The following CTNND1 variants were observed in gnomAD, a reference collection of about 807,000 sequenced individuals.
CTNND1 encodes the protein catenin delta 1.
A neutral mutation model predicts 112.1 loss-of-function variants in CTNND1; 16 were observed. That is an observed-to-expected ratio of 0.14 (90% CI 0.10 to 0.22). The LOEUF (loss-of-function observed/expected upper bound fraction) is 0.22. CTNND1 is among the 10% of genes least tolerant of loss of function. CTNND1 has a pLI of 1.00. For synonymous variants in CTNND1, 420 were observed against 446.5 expected, an observed-to-expected ratio of 0.94 and a Z score of 0.75; for missense variants, 1,008 against 1,257.0, an observed-to-expected ratio of 0.80 and a Z score of 3.00.
At chr11:57,798,952 G>A (rs2061684206) in intron 6 of CTNND1, among the ~76,000 whole-genome samples, 1 of 152,152 alleles carries the variant, frequency 6.6e-6, no homozygotes, top group Non-Finnish European at 1.5e-5. Context: ...AAGAAACAAG[G>A]GATGATTTAT....
intron 7 of CTNND1, 84 bp downstream of exon 7, chr11:57,802,280 A>AAAAGGT: frequency 8.2e-7 from 1 of 1,225,496 alleles, no homozygotes; most frequent in Non-Finnish European, 1.2e-6. Context: ...CAGACCTTTT[A>AAAAGGT]CTTTTGATGA....
At chr11:57,768,079 C>T (rs1951565159) in intron 1 of CTNND1, among the ~76,000 whole-genome samples, 1 of 152,078 alleles carries the variant, frequency 6.6e-6, no homozygotes, top group Admixed American at 6.5e-5. Context: ...AAATGATCCA[C>T]CCACCTCGGC....
chr11:57,808,250 C>G lies in CTNND1; in HGVS notation c.2049C>G (p.Ala683=). 1 of 1,613,920 alleles carries G rather than the reference C, an allele frequency of 6.2e-7. No individual in the cohort carries two copies. The highest frequency in any genetic ancestry group is 8.5e-7 in the Non-Finnish European group (1 of 1,179,796). Residue 683 remains alanine (A), a synonymous_variant, in exon 13 of 21, where the codon GCC becomes GCG. Transcript: ENST00000399050. ...GCAAGACTCCTGCCATCCTAGAAGC[C>G]TCAGCTGGAGCTATCCAGAACTTGT... ...KESKTPAILE[A]SAGAIQNLCA...
intron 7 of CTNND1, 78 bp from the exon 8 acceptor site, chr11:57,803,543 T>A: frequency 1.8e-6 from 2 of 1,132,968 alleles, no homozygotes; most frequent in Non-Finnish European, 2.5e-6. Flanking sequence ...AGTGATACGA[T>A]AGGGGGATTC....
chr11:57,815,118 G>C (rs927905662), intron 18 of CTNND1, among the ~76,000 whole-genome samples: 1 of 152,098 alleles, frequency 6.6e-6, no homozygotes, highest in Non-Finnish European at 1.5e-5. Context: ...AGTAGAGATG[G>C]GGTTTCACCA....
At position 57,763,787 on chromosome 11, in the gene CTNND1, G is replaced by C. The variant is rs12366040; in HGVS notation, c.-214+1668G>C. The stretch of plus-strand genomic sequence containing the variant: ...TGTCTGTTTCCCACTCAACCTTTAG[G>C]GGGAGGGATGAGGGAATCTGAAGGA... On this transcript the variant is annotated intron_variant, in intron 1 of 20. Coordinates refer to ENST00000399050, the MANE Select transcript of CTNND1 (RefSeq NM_001085458.2). 7.2e-3 allele frequency: 1,096 copies of C among 152,230 alleles called. 8 individuals are homozygous for C. Among genetic ancestry groups the C allele is most frequent in the Non-Finnish European group, 0.01 (692 of 68,048 alleles). 9.4% of individuals were successfully genotyped at this position (152,230 alleles called of 1,614,324 possible).
chr11:57,796,784 G>A lies in CTNND1; in HGVS notation c.748G>A (p.Ala250Thr), dbSNP rs1420653323. 2 of 1,609,706 alleles carry A rather than the reference G, an allele frequency of 1.2e-6. No individual in the cohort carries two copies. The highest frequency in any genetic ancestry group is 2.2e-5 in the East Asian group (1 of 44,810). Reference protein sequence around the residue: ...RYRPSMEGYRAPSRQDVYGPQ... With the variant: ...RYRPSMEGYRTPSRQDVYGPQ... The stretch of plus-strand genomic sequence containing the variant: ...TAGGCCCAGCATGGAAGGCTACCGG[G>A]CACCTAGTAGACAGGATGTGTATGG... Residue 250 changes from alanine to threonine, a missense_variant, in exon 6 of 21, where the codon GCA becomes ACA. Physicochemically the swap from Ala to Thr is moderately conservative, Grantham distance 58. Transcript: ENST00000399050.
intron 3 of CTNND1, among the ~76,000 whole-genome samples, chr11:57,792,489 C>G (rs1476073435): frequency 6.6e-6 from 1 of 152,220 alleles, no homozygotes; most frequent in Non-Finnish European, 1.5e-5. Context: ...TAGATTGCAT[C>G]TTACGAGAGA....
chr11:57,785,214 C>T (rs1452243662), intron 1 of CTNND1, among the ~76,000 whole-genome samples: 1 of 152,214 alleles, frequency 6.6e-6, no homozygotes, highest in Admixed American at 6.5e-5. Context: ...CACACCCAAG[C>T]TCTAGTCCCT....
intron 1 of CTNND1, among the ~76,000 whole-genome samples, chr11:57,765,604 C>T (rs1950855887): frequency 6.6e-6 from 1 of 151,314 alleles, no homozygotes. Flanking sequence ...GTAGCTAGGA[C>T]TATGGGTGCA....
chr11:57,814,612 T>C (rs2063740548), intron 18 of CTNND1, among the ~76,000 whole-genome samples: 1 of 152,206 alleles, frequency 6.6e-6, no homozygotes, highest in Non-Finnish European at 1.5e-5. Context: ...CTCCTATTAC[T>C]ACACATTCAA....
chr11:57,805,165 T>C (rs1262575375), intron 9 of CTNND1, among the ~76,000 whole-genome samples: 3 of 152,106 alleles, frequency 2.0e-5, no homozygotes, highest in East Asian at 1.9e-4. Flanking sequence ...TCCCAAAGCA[T>C]TGGGATTACA....
At chr11:57,789,599 T>G (rs999801743) in intron 2 of CTNND1, among the ~76,000 whole-genome samples, 2 of 152,196 alleles carry the variant, frequency 1.3e-5, no homozygotes, top group African/African-American at 4.8e-5. Context: ...TTGGCTTCCC[T>G]GGGCTACAGT....
intron 1 of CTNND1, among the ~76,000 whole-genome samples, chr11:57,778,390 T>A (rs1261830640): frequency 6.6e-6 from 1 of 152,206 alleles, no homozygotes; most frequent in Non-Finnish European, 1.5e-5. Flanking sequence ...CATAATGGGA[T>A]GTGTCACATG....
chr11:57,815,570 A>T, intron 19 of CTNND1, 70 bp downstream of exon 19: 1 of 1,293,664 alleles, frequency 7.7e-7, no homozygotes, highest in Non-Finnish European at 1.1e-6. Context: ...GTTTTGTGAA[A>T]CACAAAAAAA....
chr11:57,810,067 A>AT (rs2063153456), intron 15 of CTNND1, 42 bp from the exon 16 acceptor site: 3 of 1,505,426 alleles, frequency 2.0e-6, no homozygotes, highest in East Asian at 2.3e-5. Flanking sequence ...TTTTTTCCTG[A>AT]TTTTATATCC....
At chr11:57,778,501 C>T (rs974280498) in intron 1 of CTNND1, among the ~76,000 whole-genome samples, 1 of 151,858 alleles carries the variant, frequency 6.6e-6, no homozygotes, top group African/African-American at 2.4e-5. Context: ...AATTCCCTCA[C>T]CCCCTTCAAA....
rs563299635 is a variant in CTNND1 at position 57,803,610 on chromosome 11, G to T, written c.1421-11G>T. 30 of 1,600,846 alleles carry T rather than the reference G, an allele frequency of 1.9e-5. 2 individuals are homozygous for T. The South Asian group carries it at 2.4e-4, about 13-fold the overall frequency. On this transcript the variant is annotated splice_polypyrimidine_tract_variant and intron_variant, in intron 7 of 20. Transcript: ENST00000399050. ...ATGCTCAAGAGCCATCTGATGAATT[G>T]TCTCTTCCAGGAACCCTGTGGAATC... is the stretch of plus-strand genomic sequence containing the variant.
At chr11:57,802,668 A>G (rs2062131529) in intron 7 of CTNND1, among the ~76,000 whole-genome samples, 1 of 152,166 alleles carries the variant, frequency 6.6e-6, no homozygotes, top group African/African-American at 2.4e-5. Flanking sequence ...CACCGGCTTG[A>G]CCCATATAGA....
Sources: allele counts gnomAD v4.1 joint callset (sites outside exome capture counted in the v4.1 genomes callset), GRCh38; gene constraint gnomAD v4.1.1; transcripts MANE v1.5; gene names NCBI Gene and HGNC (gene_info 2026-07-23, HGNC 2026-07-21).